Variants in TNIK observed in about 807,000 individuals in gnomAD.
TNIK encodes TRAF2 and NCK interacting kinase.
In TNIK, 49 loss-of-function variants were observed where a neutral mutation model predicts 191.3. The observed-to-expected ratio is 0.26, with a 90% confidence interval of 0.20 to 0.32. TNIK has a LOEUF of 0.32. TNIK is among the 10% of genes least tolerant of loss of function. The pLI is 1.00. For missense variants in TNIK, 1,155 were observed against 1,702.3 expected (o/e 0.68, Z 5.66); for synonymous variants, 594 against 600.9 (o/e 0.99, Z 0.17).
At chr3:171,235,141 A>G (rs1234398877) in intron 2 of TNIK, among the ~76,000 whole-genome samples, 1 of 152,162 alleles carries the variant, frequency 6.6e-6, no homozygotes, top group South Asian at 2.1e-4. Flanking sequence ...TCCTGGGTTC[A>G]AGTGATTCTC....
intron 5 of TNIK, among the ~76,000 whole-genome samples, chr3:171,191,440 G>A (rs1738055675): frequency 6.6e-6 from 1 of 152,186 alleles, no homozygotes; most frequent in African/African-American, 2.4e-5. Flanking sequence ...GTTTCACCAT[G>A]TTGGCCAGGC....
intron 17 of TNIK, 146 bp from the exon 18 acceptor site, chr3:171,123,848 A>C (rs957429278): frequency 1.8e-5 from 10 of 542,168 alleles, no homozygotes; most frequent in East Asian, 9.8e-5. Flanking sequence ...TTCCTCGAAG[A>C]AATATTAAAC....
intron 9 of TNIK, among the ~76,000 whole-genome samples, chr3:171,173,258 T>C (rs1355897333): frequency 1.4e-5 from 2 of 146,068 alleles, no homozygotes; most frequent in Non-Finnish European, 3.0e-5. Context: ...TAGCAGGGCA[T>C]GGTGGCGGGC....
chr3:171,095,749 G>C (rs759121603), intron 22 of TNIK, among the ~76,000 whole-genome samples: 8 of 152,188 alleles, frequency 5.3e-5, no homozygotes, highest in Non-Finnish European at 1.0e-4. Flanking sequence ...AAAATGTATA[G>C]TAAGAAGCTT....
At chr3:171,228,034 G>A (rs771691901) in intron 3 of TNIK, 131 bp downstream of exon 3, 113 of 1,020,082 alleles carry the variant, frequency 1.1e-4, no homozygotes, top group Non-Finnish European at 1.5e-4. Flanking sequence ...ATGTTCAACA[G>A]GTTATGTGTA....
chr3:171,184,425 G>C (rs1211994425), intron 7 of TNIK, among the ~76,000 whole-genome samples: 1 of 152,174 alleles, frequency 6.6e-6, no homozygotes, highest in Non-Finnish European at 1.5e-5. Context: ...CTCTTCCCCT[G>C]GGTATCAGCA....
At chr3:171,169,449 G>A (rs1735019826) in intron 9 of TNIK, among the ~76,000 whole-genome samples, 1 of 151,986 alleles carries the variant, frequency 6.6e-6, no homozygotes, top group Non-Finnish European at 1.5e-5. Flanking sequence ...TGTATTTTTA[G>A]TAGAGACAGG....
At chr3:171,094,929 C>A (rs769352989) in intron 22 of TNIK, among the ~76,000 whole-genome samples, 2 of 152,050 alleles carry the variant, frequency 1.3e-5, no homozygotes, top group Non-Finnish European at 2.9e-5. Flanking sequence ...TTACCCAGTA[C>A]CCAGCCTAGA....
intron 2 of TNIK, among the ~76,000 whole-genome samples, chr3:171,271,874 T>A (rs13084442): frequency 6.6e-6 from 1 of 152,030 alleles, no homozygotes; most frequent in Non-Finnish European, 1.5e-5. Flanking sequence ...GTTCCAATTA[T>A]GTTTAATTCT....
chr3:171,211,388 T>C (rs1740801073), intron 3 of TNIK, 147 bp from the exon 4 acceptor site: 1 of 936,912 alleles, frequency 1.1e-6, no homozygotes, highest in Non-Finnish European at 1.6e-6. Context: ...CAAAGAACAA[T>C]TCTAAAACAT....
At chr3:171,205,815 G>A (rs1211042719) in intron 4 of TNIK, among the ~76,000 whole-genome samples, 2 of 152,142 alleles carry the variant, frequency 1.3e-5, no homozygotes, top group African/African-American at 4.8e-5. Context: ...TCTGGATCCA[G>A]GTTGCAGACT....
At chr3:171,292,157 T>G (rs2108239573) in intron 2 of TNIK, among the ~76,000 whole-genome samples, 1 of 152,320 alleles carries the variant, frequency 6.6e-6, no homozygotes, top group East Asian at 1.9e-4. Flanking sequence ...TTTATCTCAA[T>G]TATAAGAGTT....
intron 1 of TNIK, among the ~76,000 whole-genome samples, chr3:171,424,155 A>T (rs1397027009): frequency 2.0e-5 from 3 of 152,206 alleles, no homozygotes; most frequent in Non-Finnish European, 4.4e-5. Flanking sequence ...AAACAACCCC[A>T]TCAACAAGTG....
At chr3:171,120,172 T>G (rs1460724688) in intron 18 of TNIK, among the ~76,000 whole-genome samples, 2 of 152,128 alleles carry the variant, frequency 1.3e-5, no homozygotes, top group African/African-American at 4.8e-5. Flanking sequence ...AACATATGTG[T>G]CCCAAATGAT....
Position 171,175,195 on chromosome 3 carries a change from T to C in TNIK, c.773+57A>G, listed in dbSNP as rs775292553. On this transcript the variant is annotated intron_variant, in intron 9 of 32. Transcript: ENST00000436636. ...CCTAGGGATTAGAGCTAATCCAAAATAGAATCACAAGAAAACCTCACCCTT... is the reference window on the plus strand; with the variant it reads ...CCTAGGGATTAGAGCTAATCCAAAACAGAATCACAAGAAAACCTCACCCTT... 4.6e-6 allele frequency: 7 copies of C among 1,529,002 alleles called. 1 individual carries two copies. The highest frequency in any genetic ancestry group is 1.7e-4 in the Middle Eastern group (1 of 5,958). The allele number at this position is 1,529,002 out of a possible 1,614,324, so 94.7% of individuals were successfully genotyped here.
intron 1 of TNIK, among the ~76,000 whole-genome samples, chr3:171,448,144 T>C (rs1326327001): frequency 6.6e-6 from 1 of 152,160 alleles, no homozygotes; most frequent in East Asian, 1.9e-4. Flanking sequence ...TTAACCCTTT[T>C]ATCTACTTTT....
intron 1 of TNIK, among the ~76,000 whole-genome samples, chr3:171,381,550 C>T (rs1036135136): frequency 1.1e-4 from 17 of 152,162 alleles, no homozygotes; most frequent in Admixed American, 1.0e-3. Flanking sequence ...AAGCTTGCAT[C>T]TTAAGTTACT....
intron 2 of TNIK, among the ~76,000 whole-genome samples, chr3:171,253,281 CAA>C (rs5854409): frequency 6.6e-5 from 9 of 135,960 alleles, no homozygotes; most frequent in Admixed American, 7.3e-5. Flanking sequence ...AAGACTGTCT[CAA>C]AAAAAAAAAA....
intron 32 of TNIK, among the ~76,000 whole-genome samples, chr3:171,064,434 A>T (rs1290839767): frequency 6.6e-6 from 1 of 152,190 alleles, no homozygotes; most frequent in Admixed American, 6.5e-5. Context: ...AGGCCTACTG[A>T]CTATCATACA....
Sources: gnomAD v4.1 joint callset for allele counts (sites outside exome capture counted in the v4.1 genomes callset) on GRCh38, gnomAD v4.1.1 for gene constraint, MANE v1.5 for transcripts, NCBI Gene and HGNC (gene_info 2026-07-23, HGNC 2026-07-21) for gene names.